Variants in TCF7L2 observed in about 807,000 individuals in gnomAD.
TCF7L2 encodes transcription factor 7-like 2.
In TCF7L2, 23 loss-of-function variants were observed where a neutral mutation model predicts 77.9. The ratio of observed to expected loss-of-function variants is 0.30; its 90% CI spans 0.21 to 0.42. TCF7L2 has a LOEUF of 0.42. Among genes scored for constraint, TCF7L2 ranks in the 10% least tolerant of loss-of-function variants. The pLI is 1.00. For synonymous variants in TCF7L2, 413 were observed against 340.2 expected, an observed-to-expected ratio of 1.21 and a Z score of -2.36; for missense variants, 654 against 793.1, an observed-to-expected ratio of 0.82 and a Z score of 2.11.
At chr10:113,093,422 G>A (rs1258245204) in intron 5 of TCF7L2, among the ~76,000 whole-genome samples, 1 of 151,208 alleles carries the variant, frequency 6.6e-6, no homozygotes, top group Non-Finnish European at 1.5e-5. Flanking sequence ...ACTTGTTCAG[G>A]GAGAAGGTGT....
chr10:113,085,516 C>T (rs757015204), intron 5 of TCF7L2, among the ~76,000 whole-genome samples: 3 of 152,162 alleles, frequency 2.0e-5, no homozygotes, highest in Non-Finnish European at 2.9e-5. Flanking sequence ...TTCTGGCTTA[C>T]TAGGTGCTAT....
intron 5 of TCF7L2, chr10:113,126,742 G>T: frequency 1.0e-6 from 1 of 985,804 alleles, no homozygotes; most frequent in Non-Finnish European, 1.2e-6. Flanking sequence ...GCGGGTGCGC[G>T]GCGGCGGCGC....
intron 5 of TCF7L2, chr10:113,133,198 T>C (rs2066873581): frequency 6.6e-6 from 1 of 152,222 alleles, no homozygotes; most frequent in African/African-American, 2.4e-5. Context: ...TGGCTGCGGT[T>C]TTCACAAAGC....
At chr10:113,083,419 C>A (rs1051650922) in intron 5 of TCF7L2, among the ~76,000 whole-genome samples, 1 of 151,986 alleles carries the variant, frequency 6.6e-6, no homozygotes, top group African/African-American at 2.4e-5. Context: ...TGATGATATC[C>A]CGGTCTGGGG....
chr10:113,013,544 G>A (rs902350598), intron 4 of TCF7L2, among the ~76,000 whole-genome samples: 3 of 152,310 alleles, frequency 2.0e-5, no homozygotes, highest in Admixed American at 6.5e-5. Flanking sequence ...TTTTGAAGTG[G>A]GGGCTCATAG....
Position 113,165,601 on chromosome 10 carries a change from C to T in TCF7L2, c.1438C>T (p.Leu480Phe). The T allele has an allele frequency of 6.2e-7, 1 of 1,614,122 alleles. No individual in the cohort carries two copies. The highest frequency in any genetic ancestry group is 8.5e-7 in the Non-Finnish European group (1 of 1,179,994). Residue 480 changes from leucine (L) to phenylalanine (F), a missense_variant, in exon 14 of 14, where the codon CTC becomes TTC. Leu to Phe is a conservative substitution (Grantham distance 22, BLOSUM62 0). This residue lies in a region of TCF7L2 where 272 missense variants were observed against 215.4 expected (regional missense o/e 1.26). Transcript: ENST00000627217. ...CTACATACAAGGTGAAGGCAGCTGC[C>T]TCAGCCCACCCTCTTCAGATGGAAG...
At chr10:112,979,982 A>G (rs1055427759) in intron 4 of TCF7L2, among the ~76,000 whole-genome samples, 2 of 152,184 alleles carry the variant, frequency 1.3e-5, no homozygotes, top group East Asian at 3.8e-4. Flanking sequence ...ACAAGTAAGT[A>G]CTATTAATTA....
chr10:113,119,797 T>C (rs2064470629), intron 5 of TCF7L2, among the ~76,000 whole-genome samples: 1 of 152,164 alleles, frequency 6.6e-6, no homozygotes, highest in Non-Finnish European at 1.5e-5. Context: ...GTTCAGTGCA[T>C]CTGATTATCT....
chr10:112,951,460 CCCTCGCCG>C lies in TCF7L2; in HGVS notation c.257-20_257-13del. ...CCCGCTCCGCGCGGCCGCCGCTGTC[CCCTCGCCG>C]CCCCGCCATGTTAGCGGCCAAGAGG... On this transcript the variant is annotated splice_polypyrimidine_tract_variant and intron_variant, in intron 2 of 13. Coordinates refer to ENST00000627217, the MANE Select transcript of TCF7L2 (RefSeq NM_001146274.2). 7.1e-7 allele frequency: 1 copy of C among 1,403,334 alleles called. No individual in the cohort carries two copies. The highest frequency in any genetic ancestry group is 3.9e-5 in the East Asian group (1 of 25,548). 86.9% of individuals were successfully genotyped at this position (1,403,334 alleles called of 1,614,324 possible).
intron 5 of TCF7L2, among the ~76,000 whole-genome samples, chr10:113,082,517 T>C (rs1311882757): frequency 6.6e-6 from 1 of 152,192 alleles, no homozygotes; most frequent in Non-Finnish European, 1.5e-5. Context: ...TGCAAATTCC[T>C]ATTCATGATG....
At chr10:113,133,948 G>A (rs1318010231) in intron 5 of TCF7L2, among the ~76,000 whole-genome samples, 1 of 152,214 alleles carries the variant, frequency 6.6e-6, no homozygotes, top group Non-Finnish European at 1.5e-5. Context: ...GCTGTGTACT[G>A]CGGCTGGCAG....
At chr10:113,015,040 G>C (rs11196188) in intron 4 of TCF7L2, among the ~76,000 whole-genome samples, 1 of 152,280 alleles carries the variant, frequency 6.6e-6, no homozygotes, top group Non-Finnish European at 1.5e-5. Flanking sequence ...ACAAAAATTA[G>C]CTGGGCGTGG....
At chr10:113,145,958 T>TGGGCC in intron 7 of TCF7L2, 53 bp from the exon 8 acceptor site, 3 of 1,350,210 alleles carry the variant, frequency 2.2e-6, no homozygotes. Flanking sequence ...CTTTTTCTTG[T>TGGGCC]CCCCACCCCC....
At chr10:113,112,570 A>G (rs1452624065) in intron 5 of TCF7L2, among the ~76,000 whole-genome samples, 1 of 152,276 alleles carries the variant, frequency 6.6e-6, no homozygotes. Context: ...TAAAGGGCAC[A>G]GCAATTTCCC....
intron 13 of TCF7L2, among the ~76,000 whole-genome samples, chr10:113,163,192 CT>C (rs1168511057): frequency 6.6e-6 from 1 of 152,118 alleles, no homozygotes; most frequent in East Asian, 1.9e-4. Context: ...GATCTGGAAA[CT>C]TCCACGTCAT....
chr10:113,006,786 C>A (rs187110433), intron 4 of TCF7L2, among the ~76,000 whole-genome samples: 18 of 152,324 alleles, frequency 1.2e-4, no homozygotes, highest in African/African-American at 4.3e-4. Flanking sequence ...AAGAAACATG[C>A]CCTGTGGGGC....
intron 8 of TCF7L2, among the ~76,000 whole-genome samples, chr10:113,146,909 A>T (rs2069555386): frequency 6.6e-6 from 1 of 151,678 alleles, no homozygotes; most frequent in South Asian, 2.1e-4. Context: ...GTTAAAAAAA[A>T]ACATGTGTGT....
intron 5 of TCF7L2, among the ~76,000 whole-genome samples, chr10:113,123,231 A>G (rs2065068109): frequency 6.6e-6 from 1 of 152,234 alleles, no homozygotes; most frequent in African/African-American, 2.4e-5. Flanking sequence ...GGAAGCCGAG[A>G]GAGAGGCAGA....
At chr10:113,095,766 C>T (rs1056318281) in intron 5 of TCF7L2, among the ~76,000 whole-genome samples, 4 of 152,220 alleles carry the variant, frequency 2.6e-5, no homozygotes, top group Non-Finnish European at 5.9e-5. Context: ...CTGTGGAGGT[C>T]TTCCAAGGAG....
Sources: gnomAD v4.1 joint callset for allele counts (sites outside exome capture counted in the v4.1 genomes callset) on GRCh38, gnomAD v4.1.1 for gene constraint, gnomAD v4.1.1 regional missense constraint, MANE v1.5 for transcripts, NCBI Gene and HGNC (gene_info 2026-07-23, HGNC 2026-07-21) for gene names.